Variants in ZNF804B observed in about 807,000 individuals in gnomAD.
ZNF804B encodes zinc finger protein 804B.
ZNF804B carries 80 observed loss-of-function variants against 101.4 expected under a neutral mutation model. That is an observed-to-expected ratio of 0.79 (90% confidence interval 0.66 to 0.95). The LOEUF is 0.95. ZNF804B is among the 40% of genes least tolerant of loss of function. The pLI, the probability that ZNF804B is intolerant of heterozygous loss-of-function variation, is 0.00. For synonymous variants in ZNF804B, 622 were observed against 558.8 expected, an observed-to-expected ratio of 1.11 and a Z score of -1.59; for missense variants, 1,673 against 1,561.9, an observed-to-expected ratio of 1.07 and a Z score of -1.20.
At chr7:89,071,909 A>C (rs1018174229) in intron 1 of ZNF804B, among the ~76,000 whole-genome samples, 1 of 152,168 alleles carries the variant, frequency 6.6e-6, no homozygotes, top group Non-Finnish European at 1.5e-5. Context: ...GTTTTCTTAC[A>C]AATCCTACTT....
chr7:89,167,444 T>TATAAATAAATAAATAA (rs3059362), intron 1 of ZNF804B, among the ~76,000 whole-genome samples: 4,550 of 112,466 alleles, frequency 0.04, 88 homozygotes, highest in Middle Eastern at 0.087. Flanking sequence ...GACAGTGTCT[T>TATAAATAAATAAATAA]ATAAATAAAT....
At chr7:89,264,727 A>T (rs532402959) in intron 2 of ZNF804B, among the ~76,000 whole-genome samples, 11 of 152,206 alleles carry the variant, frequency 7.2e-5, no homozygotes, top group African/African-American at 2.6e-4. Context: ...TCTTTATTTG[A>T]TATACTGGAG....
At chr7:89,208,809 G>C (rs1788757515) in intron 1 of ZNF804B, among the ~76,000 whole-genome samples, 1 of 151,992 alleles carries the variant, frequency 6.6e-6, no homozygotes, top group Admixed American at 6.6e-5. Context: ...TCAGGAGATC[G>C]AGACCATCCT....
intron 1 of ZNF804B, among the ~76,000 whole-genome samples, chr7:88,875,909 A>T (rs577244312): frequency 3.3e-5 from 5 of 152,182 alleles, no homozygotes; most frequent in Non-Finnish European, 5.9e-5. Context: ...CAAAAATCCT[A>T]AATAAAATAC....
chr7:88,833,220 A>G (rs1416319477), intron 1 of ZNF804B, among the ~76,000 whole-genome samples: 1 of 151,498 alleles, frequency 6.6e-6, no homozygotes, highest in Non-Finnish European at 1.5e-5. Context: ...TTCAAGGATG[A>G]TAGGAAAAAG....
intron 1 of ZNF804B, among the ~76,000 whole-genome samples, chr7:89,205,822 A>G (rs1191729519): frequency 6.6e-6 from 1 of 152,134 alleles, no homozygotes; most frequent in Non-Finnish European, 1.5e-5. Context: ...CAGCTCCACT[A>G]GGCAGTTTCC....
At chr7:89,117,148 A>G (rs1790323754) in intron 1 of ZNF804B, among the ~76,000 whole-genome samples, 1 of 152,190 alleles carries the variant, frequency 6.6e-6, no homozygotes, top group Non-Finnish European at 1.5e-5. Context: ...CACATTCTCC[A>G]CTAGAGCTTC....
Position 88,795,945 on chromosome 7 carries a change from CTTTTTCCTTTCTT to C in ZNF804B, c.108+35869_108+35881del, listed in dbSNP as rs1222871270. Among the ~76,000 whole-genome samples, 3 of 152,204 alleles carry C rather than the reference CTTTTTCCTTTCTT, an allele frequency of 2.0e-5. 1 individual carries two copies. The highest frequency in any genetic ancestry group is 2.0e-4 in the Admixed American group (3 of 15,274). On this transcript the variant is annotated intron_variant, in intron 1 of 3. Coordinates refer to ENST00000333190, the MANE Select transcript of ZNF804B (RefSeq NM_181646.5). ...AGACAGATGGTGAGAATCTGGACATCTTTTTCCTTTCTTTTTTTCCGTTTGATAAATAAAAAGT... is the reference window on the plus strand; with the variant it reads ...AGACAGATGGTGAGAATCTGGACATCTTTTTCCGTTTGATAAATAAAAAGT...
intron 1 of ZNF804B, among the ~76,000 whole-genome samples, chr7:89,204,290 A>T (rs1361538402): frequency 6.6e-6 from 1 of 152,198 alleles, no homozygotes; most frequent in Non-Finnish European, 1.5e-5. Flanking sequence ...ATTCATTTAA[A>T]TGTATTCAAT....
intron 2 of ZNF804B, among the ~76,000 whole-genome samples, chr7:89,254,532 C>T (rs191911395): frequency 9.9e-5 from 15 of 151,236 alleles, no homozygotes; most frequent in Non-Finnish European, 2.1e-4. Context: ...AGTCCCTTAA[C>T]TTAAAATACT....
At chr7:89,295,975 A>G (rs1584110671) in intron 2 of ZNF804B, among the ~76,000 whole-genome samples, 1 of 152,152 alleles carries the variant, frequency 6.6e-6, no homozygotes, top group South Asian at 2.1e-4. Flanking sequence ...ACAGAGTGGT[A>G]TAATGGACTT....
chr7:89,101,672 C>A (rs764401782), intron 1 of ZNF804B, among the ~76,000 whole-genome samples: 12 of 151,826 alleles, frequency 7.9e-5, no homozygotes, highest in Non-Finnish European at 1.8e-4. Flanking sequence ...TCTTTTCACA[C>A]TTAATTTATA....
intron 1 of ZNF804B, among the ~76,000 whole-genome samples, chr7:89,015,841 G>T (rs1204780433): frequency 1.3e-5 from 2 of 152,074 alleles, no homozygotes; most frequent in Admixed American, 1.3e-4. Context: ...TAGTCCTTTG[G>T]GTATACACCC....
At chr7:88,913,454 G>T (rs1045202364) in intron 1 of ZNF804B, among the ~76,000 whole-genome samples, 2 of 152,122 alleles carry the variant, frequency 1.3e-5, no homozygotes, top group African/African-American at 4.8e-5. Flanking sequence ...GAGTGCAGTG[G>T]TGCAATCTTG....
At chr7:89,180,994 T>C (rs1009659193) in intron 1 of ZNF804B, among the ~76,000 whole-genome samples, 28 of 151,406 alleles carry the variant, frequency 1.8e-4, no homozygotes, top group African/African-American at 4.9e-4. Context: ...TCTGTGGGTA[T>C]TGGTCTGAAA....
At chr7:89,269,671 G>A (rs1314083642) in intron 2 of ZNF804B, among the ~76,000 whole-genome samples, 5 of 152,126 alleles carry the variant, frequency 3.3e-5, no homozygotes, top group Non-Finnish European at 7.4e-5. Context: ...CTAGTTTACA[G>A]TCCCACCAAT....
At chr7:89,175,554 T>C (rs1212211879) in intron 1 of ZNF804B, among the ~76,000 whole-genome samples, 1 of 144,088 alleles carries the variant, frequency 6.9e-6, no homozygotes, top group African/African-American at 2.5e-5. Flanking sequence ...TTGGCTATTC[T>C]AGCTCTGTGA....
intron 2 of ZNF804B, among the ~76,000 whole-genome samples, chr7:89,282,219 A>T (rs1381584250): frequency 1.3e-5 from 2 of 150,502 alleles, no homozygotes; most frequent in Non-Finnish European, 3.0e-5. Flanking sequence ...AAAAAAAAAA[A>T]TGTAACTTAA....
intron 1 of ZNF804B, among the ~76,000 whole-genome samples, chr7:89,113,409 G>A (rs1405520282): frequency 6.6e-6 from 1 of 151,850 alleles, no homozygotes; most frequent in African/African-American, 2.4e-5. Context: ...AAAGCGCAAG[G>A]GGAAACCAAA....
Sources: gnomAD v4.1 joint callset for allele counts (sites outside exome capture counted in the v4.1 genomes callset) on GRCh38, gnomAD v4.1.1 for gene constraint, MANE v1.5 for transcripts, NCBI Gene and HGNC (gene_info 2026-07-23, HGNC 2026-07-21) for gene names.